PLXNA1: variants seen among roughly 807,000 people sequenced by gnomAD.
PLXNA1 encodes the protein plexin-A1.
A neutral mutation model predicts 191.7 loss-of-function variants in PLXNA1; 77 were observed. The ratio of observed to expected loss-of-function variants is 0.40; its 90% CI spans 0.33 to 0.49. The LOEUF (loss-of-function observed/expected upper bound fraction) is 0.49. Ranked by LOEUF, PLXNA1 falls within the 20% of genes least tolerant of loss-of-function variation. The probability of loss-of-function intolerance (pLI) is 0.63; values close to 1 mark genes in which losing one functional copy is unlikely to be tolerated. For missense variants in PLXNA1, 2,110 were observed against 2,660.2 expected, an observed-to-expected ratio of 0.79 and a Z score of 4.55; for synonymous variants, 1,137 against 1,156.4, an observed-to-expected ratio of 0.98 and a Z score of 0.34.
intron 3 of PLXNA1, among the ~76,000 whole-genome samples, 192 bp from the exon 4 acceptor site, chr3:127,003,138 A>ACTGGGGCTGGGGCTGGGG (rs201384868): frequency 2.8e-4 from 41 of 149,036 alleles, no homozygotes; most frequent in East Asian, 6.0e-4. Flanking sequence ...TTTGCCCTGC[A>ACTGGGGCTGGGGCTGGGG]CTGGGGCTGG....
chr3:126,989,188 C>G lies in PLXNA1; in HGVS notation c.595C>G (p.Pro199Ala). 1.2e-6 allele frequency: 2 copies of G among 1,613,588 alleles called. No individual in the cohort carries two copies. The highest frequency in any genetic ancestry group is 1.7e-6 in the Non-Finnish European group (2 of 1,180,050). The change falls in exon 2 of 32, where the codon CCC (proline) becomes GCC (alanine). Residue 199 changes from proline (P) to alanine (A), a missense_variant. By Grantham distance (27) the Pro-to-Ala change is conservative (BLOSUM62 -1). Transcript: ENST00000393409. Reference protein sequence around the residue: ...TPIDGKSEYFPTLSSRRLMAN... With the variant: ...TPIDGKSEYFATLSSRRLMAN... ...CATCGATGGCAAGTCCGAGTACTTC[C>G]CCACACTGTCCAGCCGTCGGCTCAT... is the stretch of plus-strand genomic sequence containing the variant.
chr3:127,020,058 C>T (rs558961696), intron 20 of PLXNA1, 144 bp from the exon 21 acceptor site: 60 of 980,984 alleles, frequency 6.1e-5, no homozygotes, highest in East Asian at 5.2e-4. Flanking sequence ...AGCTGGGGGA[C>T]GAAGAGGCAC....
chr3:127,032,587 G>A lies in PLXNA1; in HGVS notation c.5432G>A (p.Ser1811Asn), dbSNP rs1430110009. 3.7e-6 allele frequency: 6 copies of A among 1,613,670 alleles called. No homozygotes were observed. In the Admixed American group the frequency reaches 1.0e-4, roughly 27 times the overall value. ...LYAKDIPNYK[S>N]WVERYYADIA... Reference sequence around the variant, plus strand: ...GCCAAGGACATCCCCAACTACAAGAGCTGGGTGGAGAGGTAGGTGGAGGGT... The same window carrying A: ...GCCAAGGACATCCCCAACTACAAGAACTGGGTGGAGAGGTAGGTGGAGGGT... Residue 1811 changes from serine (S) to asparagine (N), a missense_variant, in exon 30 of 32, where the codon AGC (serine) becomes AAC (asparagine). Around this residue, in one of 4 missense-constraint regions of PLXNA1, gnomAD observed 559 missense variants for 911.5 expected, o/e 0.61. Coordinates refer to ENST00000393409, the MANE Select transcript of PLXNA1 (RefSeq NM_032242.4).
In PLXNA1 at chr3:127,034,394, C is replaced by G. The variant is rs1375604390; in HGVS notation, c.*377C>G. 1 of 183,564 alleles carries G rather than the reference C, an allele frequency of 5.4e-6. No homozygotes were observed. The highest frequency in any genetic ancestry group is 2.3e-5 in the African/African-American group (1 of 42,800). The allele number at this position is 183,564 out of a possible 1,614,324, so 11.4% of individuals were successfully genotyped here. ...CAGGGGGAGGGGTAGCCAGCTTGGGCTGTCCCCTTGAGACCAGGACAAGAG... is the reference window on the plus strand; with the variant it reads ...CAGGGGGAGGGGTAGCCAGCTTGGGGTGTCCCCTTGAGACCAGGACAAGAG... On this transcript the variant is annotated 3_prime_UTR_variant, in exon 32 of 32. Coordinates refer to ENST00000393409, the MANE Select transcript of PLXNA1 (RefSeq NM_032242.4).
Position 127,018,522 on chromosome 3 carries a change from A to C in PLXNA1, c.3889A>C (p.Lys1297Gln). 6.2e-7 allele frequency: 1 copy of C among 1,607,384 alleles called. No homozygotes were observed. The highest frequency in any genetic ancestry group is 8.5e-7 in the Non-Finnish European group (1 of 1,175,686). Residue 1297 changes from lysine to glutamine, a missense_variant, in exon 20 of 32, where the codon AAG (lysine) becomes CAG (glutamine). By Grantham distance (53) the Lys-to-Gln change is moderately conservative. Transcript: ENST00000393409. Reference sequence around the variant, plus strand: ...GGAGTCCCGCGTGGCCCTCGAATGCAAGGAAGGTCTGTTGGGGCCAGGGCT... The same window carrying C: ...GGAGTCCCGCGTGGCCCTCGAATGCCAGGAAGGTCTGTTGGGGCCAGGGCT... ...NLESRVALEC[K>Q]EAFAELQTDI...
At position 127,036,407 on chromosome 3, in the gene PLXNA1, C is replaced by T. The variant is rs2079243445; in HGVS notation, c.*2390C>T. 1 of 152,456 alleles carries T rather than the reference C, an allele frequency of 6.6e-6. No individual in the cohort carries two copies. Among genetic ancestry groups the T allele is most frequent in the Non-Finnish European group, 1.5e-5 (1 of 68,088 alleles). 9.4% of individuals were successfully genotyped at this position (152,456 alleles called of 1,614,324 possible). On this transcript the variant is annotated 3_prime_UTR_variant, in exon 32 of 32. Coordinates refer to ENST00000393409, the MANE Select transcript of PLXNA1 (RefSeq NM_032242.4). ...ACCACAGGCCTCATGAAGCAGTTCC[C>T]ACATGGGCGTGTGGCTGGGGCGTGG...
rs372269425 is a variant in PLXNA1, at chr3:127,016,987, G to A, written c.3226G>A (p.Val1076Ile). The A allele has an allele frequency of 4.3e-6, 7 of 1,613,512 alleles. No individual in the cohort carries two copies. Among genetic ancestry groups the A allele is most frequent in the African/African-American group, 1.3e-5 (1 of 75,046 alleles). Residue 1076 changes from valine (V) to isoleucine (I), a missense_variant, in exon 17 of 32, where the codon GTC (valine) becomes ATC (isoleucine). This residue lies in a region of PLXNA1 where 644 missense variants were observed against 714.3 expected (regional missense o/e 0.90). Transcript: ENST00000393409. ...GGTCACAGGCACCAACCTGGCCACT[G>A]TCCGTGAACCCCGAATCCGGGCCAA... is the stretch of plus-strand genomic sequence containing the variant. The part of the protein sequence containing the change: ...LTVTGTNLAT[V>I]REPRIRAKYG...
chr3:126,997,540 C>T (rs898769083), intron 3 of PLXNA1, among the ~76,000 whole-genome samples: 9 of 152,220 alleles, frequency 5.9e-5, no homozygotes, highest in Admixed American at 4.6e-4. Flanking sequence ...TGCCACTGCC[C>T]GCCCAGGCCA....
chr3:126,990,388 A>T (rs1359637461), intron 2 of PLXNA1, among the ~76,000 whole-genome samples: 1 of 152,226 alleles, frequency 6.6e-6, no homozygotes, highest in Admixed American at 6.5e-5. Context: ...CCCTGACTGC[A>T]GGGAGCCACA....
rs569088386 is a variant in PLXNA1, at chr3:127,034,217, C to G, written c.*200C>G. The G allele has an allele frequency of 1.4e-4, 76 of 542,386 alleles. No individual in the cohort carries two copies. Among genetic ancestry groups the G allele is most frequent in the African/African-American group, 1.3e-3 (68 of 53,164 alleles). 33.6% of individuals were successfully genotyped at this position (542,386 alleles called of 1,614,324 possible). A position where few individuals can be genotyped will look rare whatever the true frequency, so the allele number is the denominator to read the frequency against. Reference sequence around the variant, plus strand: ...GGAGGTGATGGTACCTGCCACACCACAGCTGCGCACACAGCTGCTTGCTCA... The same window carrying G: ...GGAGGTGATGGTACCTGCCACACCAGAGCTGCGCACACAGCTGCTTGCTCA... On this transcript the variant is annotated 3_prime_UTR_variant, in exon 32 of 32. Coordinates refer to ENST00000393409, the MANE Select transcript of PLXNA1 (RefSeq NM_032242.4).
At position 127,018,380 on chromosome 3, in the gene PLXNA1, T is replaced by A; in HGVS notation, c.3747T>A (p.Ile1249=). The change falls in exon 20 of 32, where the codon ATT becomes ATA. Residue 1249 remains isoleucine (I), a synonymous_variant. Transcript: ENST00000393409. ...TGACGCTGCCTGCCATTGTGGGCAT[T>A]GGCGGAGGCGGGGGTCTCCTGCTGC... The part of the protein sequence containing the change: ...SLLTLPAIVG[I]GGGGGLLLLV... The A allele has an allele frequency of 6.2e-7, 1 of 1,612,980 alleles. No individual in the cohort carries two copies. The highest frequency in any genetic ancestry group is 8.5e-7 in the Non-Finnish European group (1 of 1,179,950).
chr3:126,993,786 T>G (rs72959004), intron 3 of PLXNA1, among the ~76,000 whole-genome samples: 31 of 152,308 alleles, frequency 2.0e-4, no homozygotes, highest in African/African-American at 7.0e-4. Context: ...CGCCTCTGCT[T>G]TGTCCCCCTG....
chr3:127,027,631 C>T (rs757881268), intron 23 of PLXNA1: 4 of 522,596 alleles, frequency 7.7e-6, no homozygotes, highest in South Asian at 3.1e-5. Context: ...AAATAGGCCT[C>T]GGCCCTCCCT....
intron 9 of PLXNA1, among the ~76,000 whole-genome samples, chr3:127,009,543 G>A (rs967729247): frequency 6.6e-6 from 1 of 151,740 alleles, no homozygotes; most frequent in South Asian, 2.1e-4. Flanking sequence ...ACAATGGCCA[G>A]TGGCAGTCCC....
At chr3:126,990,596 G>C (rs2078985360) in intron 2 of PLXNA1, among the ~76,000 whole-genome samples, 1 of 152,214 alleles carries the variant, frequency 6.6e-6, no homozygotes, top group African/African-American at 2.4e-5. Context: ...GGGGGTCGCT[G>C]GCCATCGCAG....
At position 127,028,102 on chromosome 3, in the gene PLXNA1, C is replaced by G. The variant is rs747310304; in HGVS notation, c.4509+16C>G. 5.6e-6 allele frequency: 9 copies of G among 1,613,834 alleles called. No individual in the cohort carries two copies. In the East Asian group the frequency reaches 2.0e-4, roughly 36 times the overall value. The stretch of plus-strand genomic sequence containing the variant: ...CAAGACACTGGTGAGCGTGGCTGCC[C>G]TCTGTCCTGGGTGCCCTGGTGCCCC... On this transcript the variant is annotated intron_variant, in intron 24 of 31. Transcript: ENST00000393409.
intron 19 of PLXNA1, 105 bp downstream of exon 19, chr3:127,017,997 C>G: frequency 2.0e-6 from 3 of 1,472,134 alleles, no homozygotes; most frequent in Non-Finnish European, 2.7e-6. Flanking sequence ...AGACTCACCC[C>G]TAGCTCAGAG....
chr3:127,035,610 T>A lies in PLXNA1; in HGVS notation c.*1593T>A, dbSNP rs2079237580. 6.6e-6 allele frequency: 1 copy of A among 152,640 alleles called. No homozygotes were observed. The allele number at this position is 152,640 out of a possible 1,614,324, so 9.5% of individuals were successfully genotyped here. On this transcript the variant is annotated 3_prime_UTR_variant, in exon 32 of 32. Transcript: ENST00000393409. The stretch of plus-strand genomic sequence containing the variant: ...TTGTTAGACCCTTTTTTATGTTTTT[T>A]AATTAATCAGTCACTTGTAAAAGCA...
At position 127,014,680 on chromosome 3, in the gene PLXNA1, C is replaced by G. The variant is rs756538105; in HGVS notation, c.2757-31C>G. The G allele has an allele frequency of 2.5e-6, 4 of 1,610,738 alleles. No individual in the cohort carries two copies. In the Admixed American group the frequency reaches 6.7e-5, roughly 27 times the overall value. ...GGGCGGGACGGGACGGGGCGGGGCT[C>G]CTGCAGCCCCTGAGGCCCGCCTGCC... On this transcript the variant is annotated intron_variant, in intron 13 of 31. Coordinates refer to ENST00000393409, the MANE Select transcript of PLXNA1 (RefSeq NM_032242.4).
Sources: gnomAD v4.1 joint callset for allele counts (sites outside exome capture counted in the v4.1 genomes callset) on GRCh38, gnomAD v4.1.1 for gene constraint, gnomAD v4.1.1 regional missense constraint, MANE v1.5 for transcripts, NCBI Gene and HGNC (gene_info 2026-07-23, HGNC 2026-07-21) for gene names.